The following POLN variants were observed in gnomAD, a reference collection of about 807,000 sequenced individuals.
POLN encodes the protein DNA polymerase nu.
A neutral mutation model predicts 113.5 loss-of-function variants in POLN; 108 were observed. The ratio of observed to expected loss-of-function variants is 0.95; its 90% CI spans 0.81 to 1.12. The LOEUF (loss-of-function observed/expected upper bound fraction) is 1.12, where lower values mean the gene tolerates loss of function less well. Ranked by LOEUF, POLN falls within the 50% of genes most tolerant of loss-of-function variation. The pLI is 0.00. For missense variants in POLN, 1,097 were observed against 1,077.1 expected (o/e 1.02, Z -0.26); for synonymous variants, 386 against 391.5 (o/e 0.99, Z 0.17).
intron 19 of POLN, among the ~76,000 whole-genome samples, chr4:2,125,494 A>G (rs976689197): frequency 3.9e-5 from 6 of 152,186 alleles, no homozygotes; most frequent in Admixed American, 2.0e-4. Flanking sequence ...GGAAGTCAAG[A>G]ATATTAAGGG....
At chr4:2,194,886 A>G (rs1380196674) in intron 6 of POLN, among the ~76,000 whole-genome samples, 1 of 151,980 alleles carries the variant, frequency 6.6e-6, no homozygotes, top group Non-Finnish European at 1.5e-5. Context: ...CGACAAAGAG[A>G]GACTCTGGCT....
At chr4:2,080,215 C>A (rs113459034) in intron 23 of POLN, 2 of 987,996 alleles carry the variant, frequency 2.0e-6, no homozygotes, top group Non-Finnish European at 2.4e-6. Flanking sequence ...ACTTGCAGCA[C>A]CCCCAGGCCT....
intron 4 of POLN, among the ~76,000 whole-genome samples, chr4:2,211,771 C>G (rs1474822862): frequency 6.6e-6 from 1 of 152,088 alleles, no homozygotes; most frequent in Non-Finnish European, 1.5e-5. Context: ...TGTGATCACA[C>G]CACTGCACTC....
intron 2 of POLN, among the ~76,000 whole-genome samples, chr4:2,235,825 G>A (rs1176042312): frequency 6.6e-6 from 1 of 151,998 alleles, no homozygotes; most frequent in Non-Finnish European, 1.5e-5. Flanking sequence ...ATTAAGCATG[G>A]TAGTCACTCT....
At chr4:2,174,164 G>T (rs1462155111) in intron 10 of POLN, 145 bp from the exon 11 acceptor site, 4 of 752,018 alleles carry the variant, frequency 5.3e-6, no homozygotes, top group Non-Finnish European at 6.9e-6. Flanking sequence ...CTCTGCACAG[G>T]ATCTGTCAGG....
intron 7 of POLN, among the ~76,000 whole-genome samples, chr4:2,182,863 C>G (rs1733177551): frequency 6.7e-6 from 1 of 149,044 alleles, no homozygotes. Flanking sequence ...CATCAAGAAA[C>G]TAAAAAGACA....
intron 19 of POLN, among the ~76,000 whole-genome samples, chr4:2,110,241 T>C (rs974458233): frequency 1.3e-5 from 2 of 152,054 alleles, no homozygotes; most frequent in African/African-American, 2.4e-5. Context: ...TTCAAAGCAG[T>C]GTGTAGAGGG....
chr4:2,208,252 CCTTT>C lies in POLN; in HGVS notation c.445_448del (p.Lys149GlufsTer36), dbSNP rs777971752. 1 of 1,585,670 alleles carries C rather than the reference CCTTT, an allele frequency of 6.3e-7. No individual in the cohort carries two copies. On this transcript the variant is annotated frameshift_variant, in exon 5 of 26. Coordinates refer to ENST00000511885, the MANE Select transcript of POLN (RefSeq NM_181808.4). LOFTEE classifies it high-confidence loss of function. ...ATGTTTTCTTTTAAGATTAATGCTTCCTTTATTTTCATTATTTATATTCTCCATT... is the reference window on the plus strand; with the variant it reads ...ATGTTTTCTTTTAAGATTAATGCTTCATTTTCATTATTTATATTCTCCATT...
chr4:2,123,527 T>G (rs1443114260), intron 19 of POLN, among the ~76,000 whole-genome samples: 1 of 146,284 alleles, frequency 6.8e-6, no homozygotes, highest in African/African-American at 2.6e-5. Flanking sequence ...CTCGGGAGGC[T>G]GAGGCAGGAA....
intron 16 of POLN, among the ~76,000 whole-genome samples, chr4:2,154,236 T>C (rs1732369150): frequency 7.2e-6 from 1 of 139,628 alleles, no homozygotes; most frequent in South Asian, 2.3e-4. Flanking sequence ...ACATTTTAAG[T>C]ATGGCAAACC....
At chr4:2,227,919 T>C (rs887084943) in intron 3 of POLN, 6 of 152,180 alleles carry the variant, frequency 3.9e-5, no homozygotes, top group African/African-American at 1.2e-4. Context: ...ATTATGATAG[T>C]GTCTTACACT....
Position 2,170,695 on chromosome 4 carries a change from G to A in POLN, c.1538C>T (p.Ser513Phe). The A allele has an allele frequency of 1.2e-6, 2 of 1,613,498 alleles. No individual in the cohort carries two copies. Among genetic ancestry groups the A allele is most frequent in the Non-Finnish European group, 1.7e-6 (2 of 1,179,400 alleles). ...AAACCTTACCACTGCTTCTGATGTA[G>A]ACGGGTATTTCTGCAACCCCGTTCT... ...LPRTGLQKYP[S>F]TSEAVLNALR... is the part of the protein sequence containing the mutation. Residue 513 changes from serine (S) to phenylalanine (F), a missense_variant, in exon 13 of 26, where the codon TCT becomes TTT. Ser to Phe is a radical substitution (Grantham distance 155). Coordinates refer to ENST00000511885, the MANE Select transcript of POLN (RefSeq NM_181808.4).
Position 2,217,383 on chromosome 4 carries a change from G to A in POLN, c.134-4257C>T, listed in dbSNP as rs377018937. Among the ~76,000 whole-genome samples, 11 of 152,160 alleles carry A rather than the reference G, an allele frequency of 7.2e-5. No individual in the cohort carries two copies. In the South Asian group the frequency reaches 8.3e-4, roughly 11 times the overall value. ...ATCAGCTGGTCTTAAGGCTGCCCCCGTCAGAAGTACCAGTGCCAGCACCAA... is the reference window on the plus strand; with the variant it reads ...ATCAGCTGGTCTTAAGGCTGCCCCCATCAGAAGTACCAGTGCCAGCACCAA... On this transcript the variant is annotated intron_variant, in intron 3 of 25. Coordinates refer to ENST00000511885, the MANE Select transcript of POLN (RefSeq NM_181808.4).
intron 12 of POLN, 109 bp downstream of exon 12, chr4:2,170,989 T>G (rs1732846843): frequency 1.2e-5 from 13 of 1,079,586 alleles, no homozygotes; most frequent in Non-Finnish European, 1.8e-5. Flanking sequence ...ATGAAAAACT[T>G]ACTTTTCAGA....
intron 7 of POLN, among the ~76,000 whole-genome samples, chr4:2,182,923 C>T (rs1422604719): frequency 1.3e-5 from 2 of 150,772 alleles, no homozygotes; most frequent in Non-Finnish European, 2.9e-5. Flanking sequence ...TGACAATAAA[C>T]TCATATTAGA....
At chr4:2,075,936 T>C (rs1249576749) in intron 23 of POLN, among the ~76,000 whole-genome samples, 2 of 152,088 alleles carry the variant, frequency 1.3e-5, no homozygotes, top group African/African-American at 4.8e-5. Context: ...AACAGCCCCT[T>C]GTGAACTGTT....
chr4:2,203,390 G>C (rs905256067), intron 5 of POLN, among the ~76,000 whole-genome samples: 1 of 151,664 alleles, frequency 6.6e-6, no homozygotes, highest in African/African-American at 2.4e-5. Flanking sequence ...GACCATCCTG[G>C]CCAACATGGT....
chr4:2,150,869 C>T (rs756138385), intron 16 of POLN, among the ~76,000 whole-genome samples: 8 of 152,078 alleles, frequency 5.3e-5, no homozygotes, highest in African/African-American at 9.7e-5. Context: ...AACTATAATA[C>T]GTCTAGAAAA....
Position 2,085,680 on chromosome 4 carries a change from A to C in POLN, c.2130T>G (p.Ser710Arg), listed in dbSNP as rs765155180. ...TGATTTTCTTGTACTTCTGCAAAAA[A>C]CTCTCCAAAAACTGGGCAGCTTCCT... ...PIQEAAQFLE[S>R]FLQKYKKIKD... The change falls in exon 21 of 26, where the codon AGT becomes AGG. Residue 710 changes from serine (S) to arginine (R), a missense_variant. By Grantham distance (110) the Ser-to-Arg change is moderately radical. Transcript: ENST00000511885. 4.3e-6 allele frequency: 7 copies of C among 1,612,966 alleles called. No individual in the cohort carries two copies. The highest frequency in any genetic ancestry group is 2.2e-5 in the East Asian group (1 of 44,846).
Sources: allele counts gnomAD v4.1 joint callset (sites outside exome capture counted in the v4.1 genomes callset), GRCh38; gene constraint gnomAD v4.1.1; transcripts MANE v1.5; gene names NCBI Gene and HGNC (gene_info 2026-07-23, HGNC 2026-07-21).